C12orf42: variants seen among roughly 807,000 people sequenced by gnomAD.
C12orf42 encodes chromosome 12 open reading frame 42, also known as uncharacterized protein C12orf42.
C12orf42 carries 25 observed loss-of-function variants against 21.6 expected under a neutral mutation model. The ratio of observed to expected loss-of-function variants is 1.16; its 90% CI spans 0.84 to 1.62. C12orf42 has a LOEUF of 1.62. Among genes scored for constraint, C12orf42 ranks in the 40% most tolerant of loss-of-function variants. The pLI is 0.00. For synonymous variants in C12orf42, 174 were observed against 175.0 expected (o/e 0.99, Z 0.05); for missense variants, 483 against 459.3 (o/e 1.05, Z -0.47).
the C12orf42 span, among the ~76,000 whole-genome samples, chr12:103,143,706 G>A: frequency 2.6e-5 from 4 of 152,222 alleles, no homozygotes; most frequent in African/African-American, 9.6e-5. Context: ...TCTAATAGGA[G>A]AACAAGACTT....
At chr12:103,530,599 G>A in the C12orf42 span, among the ~76,000 whole-genome samples, 1 of 151,540 alleles carries the variant, frequency 6.6e-6, no homozygotes, top group Non-Finnish European at 1.5e-5. Flanking sequence ...TTTAGGAACT[G>A]GAAGGGCCTG....
downstream of C12orf42, among the ~76,000 whole-genome samples, chr12:103,233,257 C>T (rs559593855): frequency 6.6e-6 from 1 of 152,208 alleles, no homozygotes. Context: ...CAGATAGTGT[C>T]AGTCCTCCAA....
rs752632520 is a variant in C12orf42 at position 103,294,649 on chromosome 12, G to GAGAA, written n.338-17443_338-17440dup. ...GAAAGAAAGAAAGAAGGAAAAGAAAGAGAAAGAAAGAAAGAAGGAAAAAAC... is the reference window on the plus strand; with the variant it reads ...GAAAGAAAGAAAGAAGGAAAAGAAAGAGAAAGAAAGAAAGAAAGAAGGAAAAAAC... On this transcript the variant is annotated intron_variant and non_coding_transcript_variant, in intron 4 of 6. Coordinates refer to the C12orf42 transcript ENST00000546526. Among the ~76,000 whole-genome samples, 8 of 143,408 alleles carry GAGAA rather than the reference G, an allele frequency of 5.6e-5. No homozygotes were observed. In the East Asian group the frequency reaches 1.7e-3, roughly 30 times the overall value. The allele number at this position is 143,408 out of a possible 152,430, so 94.1% of individuals were successfully genotyped here. A position where few individuals can be genotyped will look rare whatever the true frequency, so the allele number is the denominator to read the frequency against.
the C12orf42 span, among the ~76,000 whole-genome samples, chr12:103,142,036 A>T: frequency 6.6e-6 from 1 of 152,218 alleles, no homozygotes; most frequent in African/African-American, 2.4e-5. Flanking sequence ...CATCCTAGAC[A>T]TTTAAAAATG....
the C12orf42 span, among the ~76,000 whole-genome samples, chr12:103,056,119 G>T: frequency 6.6e-6 from 1 of 152,096 alleles, no homozygotes; most frequent in Non-Finnish European, 1.5e-5. Context: ...TCCATCAATT[G>T]TTGAGAGGAG....
chr12:103,177,250 A>G, the C12orf42 span, among the ~76,000 whole-genome samples: 1 of 152,228 alleles, frequency 6.6e-6, no homozygotes, highest in African/African-American at 2.4e-5. Context: ...AGCTTCTGAC[A>G]CAATGGCCCT....
At chr12:103,189,580 T>C in the C12orf42 span, among the ~76,000 whole-genome samples, 1 of 152,208 alleles carries the variant, frequency 6.6e-6, no homozygotes, top group Non-Finnish European at 1.5e-5. Flanking sequence ...CAAATCTGCA[T>C]AGTGTAGGCC....
chr12:103,375,978 C>G (rs1280734054), intron 3 of C12orf42, among the ~76,000 whole-genome samples: 1 of 152,120 alleles, frequency 6.6e-6, no homozygotes, highest in African/African-American at 2.4e-5. Context: ...AAAATCTTGC[C>G]ACTTGGAAAG....
the C12orf42 span, among the ~76,000 whole-genome samples, chr12:103,562,741 G>A: frequency 6.6e-6 from 1 of 152,138 alleles, no homozygotes; most frequent in East Asian, 1.9e-4. Flanking sequence ...CCCACATCAG[G>A]GGGATAGGCC....
chr12:103,301,084 A>G (rs1324156806), downstream of C12orf42, among the ~76,000 whole-genome samples: 1 of 152,214 alleles, frequency 6.6e-6, no homozygotes, highest in Non-Finnish European at 1.5e-5. Context: ...ATTGCTTATA[A>G]CATTTCATTC....
chr12:103,063,343 G>A, the C12orf42 span, among the ~76,000 whole-genome samples: 1 of 152,178 alleles, frequency 6.6e-6, no homozygotes, highest in Non-Finnish European at 1.5e-5. Flanking sequence ...GACCTGCAAT[G>A]AAAGGTGCAT....
the C12orf42 span, among the ~76,000 whole-genome samples, chr12:103,538,031 A>G: frequency 6.6e-6 from 1 of 152,244 alleles, no homozygotes; most frequent in African/African-American, 2.4e-5. Context: ...AGTCACCAAT[A>G]TCTGCTGCAA....
chr12:103,327,204 C>T, intron 4 of C12orf42, among the ~76,000 whole-genome samples: 1 of 152,114 alleles, frequency 6.6e-6, no homozygotes. Flanking sequence ...GAGTTTCTCC[C>T]TAAAGAAGTG....
the C12orf42 span, chr12:103,558,686 A>C: frequency 1.3e-5 from 2 of 152,152 alleles, no homozygotes; most frequent in East Asian, 3.8e-4. Flanking sequence ...AAACACATAG[A>C]CTCAGTCCCT....
intron 5 of C12orf42, among the ~76,000 whole-genome samples, chr12:103,272,754 C>G (rs1388515696): frequency 6.6e-6 from 1 of 152,156 alleles, no homozygotes; most frequent in Non-Finnish European, 1.5e-5. Context: ...CTGAAGCTTT[C>G]CAAACACACA....
At chr12:103,158,724 C>CA in the C12orf42 span, among the ~76,000 whole-genome samples, 1 of 151,748 alleles carries the variant, frequency 6.6e-6, no homozygotes, top group Non-Finnish European at 1.5e-5. Context: ...ACTAAAAATA[C>CA]AAAAAATTAG....
chr12:103,255,283 G>A, intron 10 of C12orf42, among the ~76,000 whole-genome samples: 1 of 151,968 alleles, frequency 6.6e-6, no homozygotes, highest in African/African-American at 2.4e-5. Flanking sequence ...GAGGCAGGGG[G>A]ATCACTTGAA....
At chr12:103,266,959 A>G (rs2035200626), downstream of C12orf42, among the ~76,000 whole-genome samples, 1 of 152,184 alleles carries the variant, frequency 6.6e-6, no homozygotes. Context: ...TTGACAACAA[A>G]AAAACTTTGA....
At chr12:103,160,612 T>C in the C12orf42 span, among the ~76,000 whole-genome samples, 1 of 152,266 alleles carries the variant, frequency 6.6e-6, no homozygotes, top group African/African-American at 2.4e-5. Flanking sequence ...CTGTCTATAT[T>C]TGCTAATAAA....
Sources: gnomAD v4.1 joint callset for allele counts (sites outside exome capture counted in the v4.1 genomes callset) on GRCh38, gnomAD v4.1.1 for gene constraint, MANE v1.5 for transcripts, NCBI Gene and HGNC (gene_info 2026-07-23, HGNC 2026-07-21) for gene names.